Variants in COL23A1 observed in about 807,000 individuals in gnomAD.
COL23A1 encodes the protein collagen alpha-1(XXIII) chain.
In COL23A1, 97 loss-of-function variants were observed where a neutral mutation model predicts 99.3. That is an observed-to-expected ratio of 0.98 (90% confidence interval 0.83 to 1.16). The LOEUF (loss-of-function observed/expected upper bound fraction) is 1.16, where lower values mean the gene tolerates loss of function less well. Among genes scored for constraint, COL23A1 ranks in the 50% most tolerant of loss-of-function variants. COL23A1 has a pLI of 0.00. For synonymous variants in COL23A1, 320 were observed against 308.2 expected (o/e 1.04, Z -0.40); for missense variants, 762 against 757.4 (o/e 1.01, Z -0.07).
chr5:178,460,003 T>A (rs1369093255), intron 2 of COL23A1, among the ~76,000 whole-genome samples: 1 of 152,164 alleles, frequency 6.6e-6, no homozygotes, highest in Non-Finnish European at 1.5e-5. Flanking sequence ...GTTTTTAAAA[T>A]CTCCTTCTTT....
At chr5:178,540,299 A>G (rs532884062) in intron 2 of COL23A1, among the ~76,000 whole-genome samples, 2 of 152,218 alleles carry the variant, frequency 1.3e-5, no homozygotes, top group South Asian at 4.1e-4. Context: ...TAACAAGTAC[A>G]TGTGGCAAGG....
At chr5:178,448,576 C>A (rs576526139) in intron 2 of COL23A1, among the ~76,000 whole-genome samples, 1 of 152,312 alleles carries the variant, frequency 6.6e-6, no homozygotes, top group African/African-American at 2.4e-5. Context: ...GGCCTTCCTG[C>A]AGCATCATAA....
chr5:178,382,469 T>C (rs950698429), intron 2 of COL23A1, among the ~76,000 whole-genome samples: 3 of 152,130 alleles, frequency 2.0e-5, no homozygotes, highest in African/African-American at 7.2e-5. Flanking sequence ...AATCACCTAA[T>C]GCCAGGCTGG....
At chr5:178,442,717 G>T (rs1766942843) in intron 2 of COL23A1, among the ~76,000 whole-genome samples, 1 of 152,236 alleles carries the variant, frequency 6.6e-6, no homozygotes, top group Admixed American at 6.5e-5. Context: ...AATCGGAGTG[G>T]AACAGCTCTG....
chr5:178,519,017 T>C (rs560736717), intron 2 of COL23A1, among the ~76,000 whole-genome samples: 2,179 of 150,480 alleles, frequency 0.014, 35 homozygotes, highest in African/African-American at 0.05. Context: ...CTGTCCCGGC[T>C]CCGCACTGCC....
At chr5:178,577,608 CCTGCCCCCCG>C (rs982847885) in intron 1 of COL23A1, among the ~76,000 whole-genome samples, 12 of 152,212 alleles carry the variant, frequency 7.9e-5, no homozygotes, top group African/African-American at 2.9e-4. Flanking sequence ...AGAACCCGCG[CCTGCCCCCCG>C]CTGCCTGGAT....
chr5:178,455,957 A>C (rs1400645631), intron 2 of COL23A1, among the ~76,000 whole-genome samples: 1 of 152,216 alleles, frequency 6.6e-6, no homozygotes, highest in Non-Finnish European at 1.5e-5. Flanking sequence ...TTTTTTGAAA[A>C]GGAAAAATAA....
intron 1 of COL23A1, among the ~76,000 whole-genome samples, chr5:178,563,838 C>CA (rs796897713): frequency 6.6e-6 from 1 of 152,210 alleles, no homozygotes; most frequent in African/African-American, 2.4e-5. Context: ...AGCCAGAACT[C>CA]ACGCTTTTCC....
intron 8 of COL23A1, 72 bp downstream of exon 8, chr5:178,267,235 G>C: frequency 6.6e-7 from 1 of 1,520,540 alleles, no homozygotes; most frequent in Middle Eastern, 1.8e-4. Context: ...CCCAGAAGCA[G>C]CGCCAGTTAT....
intron 2 of COL23A1, among the ~76,000 whole-genome samples, chr5:178,464,501 G>C (rs773560777): frequency 6.6e-6 from 1 of 152,130 alleles, no homozygotes; most frequent in Admixed American, 6.5e-5. Context: ...ACCCCACTTA[G>C]ACACAATAAA....
At chr5:178,266,739 C>CA (rs1755925891) in intron 8 of COL23A1, among the ~76,000 whole-genome samples, 1 of 152,214 alleles carries the variant, frequency 6.6e-6, no homozygotes, top group Non-Finnish European at 1.5e-5. Flanking sequence ...CTCCTGCTCA[C>CA]AGCTCAGGGC....
chr5:178,401,820 C>T (rs557130857), intron 2 of COL23A1, among the ~76,000 whole-genome samples: 1 of 152,188 alleles, frequency 6.6e-6, no homozygotes, highest in East Asian at 1.9e-4. Context: ...TTGCCTTTGT[C>T]TTTTTTTCTT....
At chr5:178,356,629 G>A (rs1019449153) in intron 2 of COL23A1, among the ~76,000 whole-genome samples, 21 of 152,184 alleles carry the variant, frequency 1.4e-4, no homozygotes, top group Non-Finnish European at 2.6e-4. Flanking sequence ...GGAAAAAAAA[G>A]GCAAAGGAAA....
intron 2 of COL23A1, among the ~76,000 whole-genome samples, chr5:178,362,800 G>C (rs1762242027): frequency 6.6e-6 from 1 of 152,156 alleles, no homozygotes; most frequent in Non-Finnish European, 1.5e-5. Flanking sequence ...CCAAGCACTG[G>C]GAGAGGCTGC....
chr5:178,526,870 A>G (rs2113149294), intron 2 of COL23A1, among the ~76,000 whole-genome samples: 1 of 152,182 alleles, frequency 6.6e-6, no homozygotes, highest in Admixed American at 6.5e-5. Flanking sequence ...ACGCTCCTGC[A>G]CTCCTGTTTA....
intron 2 of COL23A1, among the ~76,000 whole-genome samples, chr5:178,348,895 G>C (rs141930116): frequency 6.6e-6 from 1 of 152,090 alleles, no homozygotes; most frequent in Non-Finnish European, 1.5e-5. Context: ...GCTGCAGCTC[G>C]TCCCACTGCA....
chr5:178,442,925 C>T (rs1766956241), intron 2 of COL23A1: 2 of 152,312 alleles, frequency 1.3e-5, no homozygotes, highest in Admixed American at 1.3e-4. Context: ...CACGGTCTCA[C>T]CGAACCTTCG....
At chr5:178,498,226 A>T (rs1758309797) in intron 2 of COL23A1, among the ~76,000 whole-genome samples, 4 of 53,442 alleles carry the variant, frequency 7.5e-5, no homozygotes, top group Non-Finnish European at 1.3e-4. Context: ...ATATATATAT[A>T]TATATATATA....
intron 2 of COL23A1, among the ~76,000 whole-genome samples, chr5:178,399,775 G>A (rs887827729): frequency 2.0e-5 from 3 of 152,324 alleles, no homozygotes; most frequent in Non-Finnish European, 4.4e-5. Context: ...AACCTCACTC[G>A]AGGAGATACT....
Sources: gnomAD v4.1 joint callset for allele counts (sites outside exome capture counted in the v4.1 genomes callset) on GRCh38, gnomAD v4.1.1 for gene constraint, MANE v1.5 for transcripts, NCBI Gene and HGNC (gene_info 2026-07-23, HGNC 2026-07-21) for gene names.